SLC15A5: variants seen among roughly 807,000 people sequenced by gnomAD.
SLC15A5 encodes Peptide/histidine transporter ENSP00000340402.
Under a neutral mutation model 56.1 loss-of-function variants are expected in SLC15A5, and 58 were observed. The observed-to-expected ratio is 1.03, with a 90% CI of 0.84 to 1.29. The LOEUF (loss-of-function observed/expected upper bound fraction) is 1.29. Among genes scored for constraint, SLC15A5 ranks in the 50% most tolerant of loss-of-function variants. The probability of loss-of-function intolerance (pLI) is 0.00; values close to 1 mark genes in which losing one functional copy is unlikely to be tolerated. For missense variants in SLC15A5, 681 were observed against 672.1 expected (o/e 1.01, Z -0.15); for synonymous variants, 264 against 250.5 (o/e 1.05, Z -0.51).
At chr12:16,259,090 G>A (rs1864613306) in intron 2 of SLC15A5, among the ~76,000 whole-genome samples, 2 of 120,414 alleles carry the variant, frequency 1.7e-5, no homozygotes, top group East Asian at 5.4e-4. Context: ...GGAATGCAGT[G>A]GTGCAATCAT....
At chr12:16,274,660 T>C (rs1864798263) in intron 1 of SLC15A5, among the ~76,000 whole-genome samples, 1 of 152,068 alleles carries the variant, frequency 6.6e-6, no homozygotes, top group Non-Finnish European at 1.5e-5. Context: ...AACTAACTGC[T>C]CTCTTTCTAC....
intron 3 of SLC15A5, 131 bp from the exon 4 acceptor site, chr12:16,244,931 C>A (rs181665115): frequency 1.1e-6 from 1 of 939,240 alleles, no homozygotes; most frequent in African/African-American, 1.7e-5. Flanking sequence ...CCCAAGGGGT[C>A]GGACTCAAAG....
intron 7 of SLC15A5, among the ~76,000 whole-genome samples, chr12:16,204,423 G>A (rs942029439): frequency 8.5e-5 from 12 of 141,474 alleles, no homozygotes; most frequent in African/African-American, 2.9e-4. Context: ...GCAACAGAGC[G>A]AGACACTGTC....
chr12:16,276,940 C>CT (rs1371677768), intron 1 of SLC15A5, among the ~76,000 whole-genome samples: 1 of 151,866 alleles, frequency 6.6e-6, no homozygotes, highest in Non-Finnish European at 1.5e-5. Flanking sequence ...CTTCAAAAAC[C>CT]TTTTTTAGCA....
intron 3 of SLC15A5, among the ~76,000 whole-genome samples, chr12:16,255,654 A>G (rs1218431891): frequency 1.3e-5 from 2 of 152,142 alleles, no homozygotes; most frequent in Non-Finnish European, 2.9e-5. Flanking sequence ...GCACCAAGCT[A>G]TTTGTTAGAA....
chr12:16,204,384 G>A (rs1369095652), intron 7 of SLC15A5, among the ~76,000 whole-genome samples: 2 of 150,648 alleles, frequency 1.3e-5, no homozygotes, highest in African/African-American at 4.9e-5. Flanking sequence ...TTGAACCCGG[G>A]AGGCAGAGGT....
At chr12:16,274,071 A>G (rs1864790870) in intron 1 of SLC15A5, among the ~76,000 whole-genome samples, 1 of 151,892 alleles carries the variant, frequency 6.6e-6, no homozygotes, top group Admixed American at 6.6e-5. Flanking sequence ...CTTTTCCAAC[A>G]TGATTTCTAG....
At chr12:16,273,495 T>C (rs146909501) in intron 1 of SLC15A5, among the ~76,000 whole-genome samples, 8 of 152,220 alleles carry the variant, frequency 5.3e-5, no homozygotes, top group East Asian at 1.9e-4. Context: ...TTTCCTTGTC[T>C]AATAAAAATA....
At chr12:16,257,159 T>C (rs764247876) in intron 3 of SLC15A5, among the ~76,000 whole-genome samples, 5 of 152,048 alleles carry the variant, frequency 3.3e-5, no homozygotes, top group Non-Finnish European at 7.4e-5. Context: ...GATAATGACA[T>C]TGTGGTTATG....
At chr12:16,250,650 A>C (rs187053515) in intron 3 of SLC15A5, among the ~76,000 whole-genome samples, 2 of 152,142 alleles carry the variant, frequency 1.3e-5, no homozygotes, top group Admixed American at 1.3e-4. Flanking sequence ...CTTTTTAATA[A>C]GTAAGATTAG....
At chr12:16,195,311 A>G (rs1863883336) in intron 7 of SLC15A5, among the ~76,000 whole-genome samples, 1 of 152,042 alleles carries the variant, frequency 6.6e-6, no homozygotes, top group South Asian at 2.1e-4. Flanking sequence ...TGTTTAATAT[A>G]TAAAATATAA....
At chr12:16,247,832 G>A (rs1864477746) in intron 3 of SLC15A5, among the ~76,000 whole-genome samples, 1 of 152,028 alleles carries the variant, frequency 6.6e-6, no homozygotes, top group African/African-American at 2.4e-5. Flanking sequence ...AAACCATTAA[G>A]AAGTTTTAAG....
Position 16,189,460 on chromosome 12 carries a change from T to C in SLC15A5, c.*208A>G, listed in dbSNP as rs1295249566. ...TCACTGAGACTTTGAAATTATTTTA[T>C]TAATTCTAATGCTATAACATGTTAA... On this transcript the variant is annotated 3_prime_UTR_variant, in exon 9 of 9. Coordinates refer to ENST00000344941, the MANE Select transcript of SLC15A5 (RefSeq NM_001170798.1). The C allele has an allele frequency of 1.5e-5, 3 of 206,668 alleles. No individual in the cohort carries two copies. The highest frequency in any genetic ancestry group is 2.4e-5 in the Non-Finnish European group (3 of 125,562). The allele number at this position is 206,668 out of a possible 1,614,324, so 12.8% of individuals were successfully genotyped here. A position where few individuals can be genotyped will look rare whatever the true frequency, so the allele number is the denominator to read the frequency against.
intron 6 of SLC15A5, among the ~76,000 whole-genome samples, chr12:16,217,380 T>A (rs770669844): frequency 1.4e-4 from 21 of 152,270 alleles, no homozygotes; most frequent in South Asian, 4.1e-4. Context: ...TCTATCAATT[T>A]TGTGATTCTG....
At chr12:16,217,992 A>G (rs868570395) in intron 6 of SLC15A5, among the ~76,000 whole-genome samples, 3 of 152,216 alleles carry the variant, frequency 2.0e-5, no homozygotes, top group Non-Finnish European at 2.9e-5. Flanking sequence ...TGTACGTGCC[A>G]TATAAACATA....
chr12:16,230,922 CA>C (rs35415868), intron 5 of SLC15A5, among the ~76,000 whole-genome samples: 43 of 145,870 alleles, frequency 2.9e-4, no homozygotes, highest in African/African-American at 3.3e-4. Context: ...GACTCCGTCT[CA>C]AAAAAAAAAA....
At chr12:16,198,653 ATTCT>A (rs2136239008) in intron 7 of SLC15A5, among the ~76,000 whole-genome samples, 1 of 152,218 alleles carries the variant, frequency 6.6e-6, no homozygotes, top group South Asian at 2.1e-4. Context: ...CTTACCTCAA[ATTCT>A]TTCTAAAATA....
chr12:16,246,150 G>A (rs1026448973), intron 3 of SLC15A5, among the ~76,000 whole-genome samples: 1 of 152,126 alleles, frequency 6.6e-6, no homozygotes, highest in African/African-American at 2.4e-5. Flanking sequence ...CTGGGAGTAT[G>A]TTGGGATACT....
chr12:16,203,713 G>A (rs1863985675), intron 7 of SLC15A5, among the ~76,000 whole-genome samples: 1 of 152,054 alleles, frequency 6.6e-6, no homozygotes, highest in African/African-American at 2.4e-5. Context: ...GTAAGCTCTG[G>A]GTCCTGAGAA....
Sources: gnomAD v4.1 joint callset for allele counts (sites outside exome capture counted in the v4.1 genomes callset) on GRCh38, gnomAD v4.1.1 for gene constraint, MANE v1.5 for transcripts, NCBI Gene and HGNC (gene_info 2026-07-23, HGNC 2026-07-21) for gene names.